The following WSCD1 variants were observed in gnomAD, a reference collection of about 807,000 sequenced individuals.
The protein encoded by WSCD1 is WSC domain sialate O sulfotransferase 1.
WSCD1 carries 41 observed loss-of-function variants against 60.4 expected under a neutral mutation model. That is an observed-to-expected ratio of 0.68 (90% CI 0.53 to 0.88). The LOEUF (loss-of-function observed/expected upper bound fraction) is 0.88, where lower values mean the gene tolerates loss of function less well. WSCD1 is among the 40% of genes least tolerant of loss of function. The pLI, the probability that WSCD1 is intolerant of heterozygous loss-of-function variation, is 0.00. For missense variants in WSCD1, 784 were observed against 796.2 expected (o/e 0.98, Z 0.18); for synonymous variants, 361 against 332.5 (o/e 1.09, Z -0.93).
chr17:6,118,819 C>G lies in WSCD1; in HGVS notation c.1375+631C>G, dbSNP rs575647070. On this transcript the variant is annotated intron_variant, in intron 8 of 8. Coordinates refer to ENST00000317744, the MANE Select transcript of WSCD1 (RefSeq NM_015253.2). This position sits in a 1 kb window ranked among gnomAD's most constrained non-coding sequence, Gnocchi z 5.8. ...TTGGCCTTGGTGGTGAGCAGCAGAG[C>G]TGGGACTCACACCCAATGTCTTAGT... is the stretch of plus-strand genomic sequence containing the variant. 3.3e-5 allele frequency among the ~76,000 whole-genome samples: 5 copies of G among 152,324 alleles called. No individual in the cohort carries two copies. The East Asian group carries it at 9.7e-4, about 29-fold the overall frequency.
intron 2 of WSCD1, among the ~76,000 whole-genome samples, chr17:6,086,769 C>G (rs903892616): frequency 6.6e-6 from 1 of 152,210 alleles, no homozygotes; most frequent in African/African-American, 2.4e-5. Flanking sequence ...AGTGGCCCCA[C>G]TCCCCCAGCC....
At chr17:6,085,765 T>C (rs1909597334) in intron 2 of WSCD1, among the ~76,000 whole-genome samples, 1 of 152,262 alleles carries the variant, frequency 6.6e-6, no homozygotes, top group African/African-American at 2.4e-5. Flanking sequence ...ACTTCTTTGC[T>C]GAGCAACCCA....
chr17:6,085,178 G>C (rs1597354227), intron 2 of WSCD1, among the ~76,000 whole-genome samples: 1 of 152,086 alleles, frequency 6.6e-6, no homozygotes, highest in Non-Finnish European at 1.5e-5. Flanking sequence ...TTATTTATTT[G>C]GACATCTGTT....
upstream of WSCD1, chr17:6,069,418 TGTGTGTGTGTGAGA>T (rs1192942179): frequency 3.2e-4 from 106 of 328,520 alleles, no homozygotes; most frequent in African/African-American, 3.1e-3. Flanking sequence ...TGTGTGTGTG[TGTGTGTGTGTGAGA>T]GAGAGAGAGA....
chr17:6,076,571 C>T (rs746782516), intron 1 of WSCD1, among the ~76,000 whole-genome samples: 3 of 152,248 alleles, frequency 2.0e-5, no homozygotes, highest in Non-Finnish European at 4.4e-5. Flanking sequence ...AACAGAGTAG[C>T]GGAGGTTTCA....
At chr17:6,085,638 G>A (rs1225477325) in intron 2 of WSCD1, among the ~76,000 whole-genome samples, 3 of 152,116 alleles carry the variant, frequency 2.0e-5, no homozygotes, top group Admixed American at 2.0e-4. Flanking sequence ...TCTCAGTCTG[G>A]GAAGGTCTTG....
At chr17:6,076,415 C>A (rs1476333727) in intron 1 of WSCD1, among the ~76,000 whole-genome samples, 1 of 152,146 alleles carries the variant, frequency 6.6e-6, no homozygotes, top group Non-Finnish European at 1.5e-5. Flanking sequence ...CCTGGGTGCA[C>A]TCCAGGGACT....
chr17:6,116,744 A>C (rs1314175770), intron 7 of WSCD1, among the ~76,000 whole-genome samples: 1 of 152,232 alleles, frequency 6.6e-6, no homozygotes, highest in Non-Finnish European at 1.5e-5. Flanking sequence ...AGAGACTTGC[A>C]TTTTCCAGGC....
chr17:6,071,613 G>A (rs903332096), intron 1 of WSCD1, among the ~76,000 whole-genome samples: 2 of 152,248 alleles, frequency 1.3e-5, no homozygotes, highest in Non-Finnish European at 2.9e-5. Flanking sequence ...GAGGCACTTG[G>A]TTTATCCCAC....
rs1909160629 is a variant in WSCD1 at position 6,080,510 on chromosome 17, G to A, written c.-149G>A. On this transcript the variant is annotated 5_prime_UTR_variant, in exon 2 of 9. Coordinates refer to ENST00000317744, the MANE Select transcript of WSCD1 (RefSeq NM_015253.2). The surrounding 1 kb of genome is among the most constrained non-coding windows in gnomAD (Gnocchi z 6.6). ...CATTTGAACACCTACTGGAAACGGG[G>A]CAGGAACAGTGAGTGACCCCAGGCG... The A allele has an allele frequency of 2.6e-6, 2 of 759,518 alleles. No homozygotes were observed. The highest frequency in any genetic ancestry group is 5.3e-5 in the East Asian group (2 of 37,666). The allele number at this position is 759,518 out of a possible 1,614,324, so 47.0% of individuals were successfully genotyped here.
At chr17:6,107,709 G>A (rs1325324717) in intron 5 of WSCD1, among the ~76,000 whole-genome samples, 1 of 152,068 alleles carries the variant, frequency 6.6e-6, no homozygotes, top group Non-Finnish European at 1.5e-5. Context: ...TGAAGGTGTT[G>A]GTGTGGAATG....
chr17:6,091,957 C>G (rs1008511342), intron 4 of WSCD1, among the ~76,000 whole-genome samples: 3 of 152,110 alleles, frequency 2.0e-5, no homozygotes, highest in Non-Finnish European at 4.4e-5. Context: ...GAGTTCGAGA[C>G]CAGCCTGACC....
At chr17:6,120,279 G>C (rs768247335) in intron 8 of WSCD1, 30 bp from the exon 9 acceptor site, 1 of 1,596,602 alleles carries the variant, frequency 6.3e-7, no homozygotes, top group Non-Finnish European at 8.6e-7. Context: ...GCCAGCCCCC[G>C]ACTCTGCATC....
chr17:6,119,071 A>T (rs899469982), intron 8 of WSCD1, among the ~76,000 whole-genome samples: 2 of 152,182 alleles, frequency 1.3e-5, no homozygotes, highest in African/African-American at 4.8e-5. Context: ...TCTTCTGATA[A>T]AGGCACTAAT....
In WSCD1 at chr17:6,080,677, C is replaced by G; in HGVS notation, c.19C>G (p.Arg7Gly). Residue 7 changes from arginine (R) to glycine (G), a missense_variant, in exon 2 of 9, where the codon CGA becomes GGA. Physicochemically the swap from Arg to Gly is moderately radical, Grantham distance 125. Coordinates refer to ENST00000317744, the MANE Select transcript of WSCD1 (RefSeq NM_015253.2). This position sits in a 1 kb window ranked among gnomAD's most constrained non-coding sequence, Gnocchi z 6.6. ...CAGGGGCATGGCCAAACCTTTCTTC[C>G]GACTCCAGAAGTTTCTCCGCCGAAC... MAKPFF[R>G]LQKFLRRTQF... 1 of 1,613,582 alleles carries G rather than the reference C, an allele frequency of 6.2e-7. No homozygotes were observed. Among genetic ancestry groups the G allele is most frequent in the Non-Finnish European group, 8.5e-7 (1 of 1,179,912 alleles).
At position 6,120,376 on chromosome 17, in the gene WSCD1, C is replaced by T. The variant is rs142363588; in HGVS notation, c.1443C>T (p.Tyr481=). Residue 481 remains tyrosine (Y), a synonymous_variant, in exon 9 of 9, where the codon TAC becomes TAT. Transcript: ENST00000317744. ...CGCACGTCCTGGACTGGCTCAAGTA[C>T]GGGAAGCGGCTGCTGGTGGTGCACT... ...WSSHVLDWLK[Y]GKRLLVVHYE... 49 of 1,614,118 alleles carry T rather than the reference C, an allele frequency of 3.0e-5. No individual in the cohort carries two copies. The highest frequency in any genetic ancestry group is 3.3e-4 in the Middle Eastern group (2 of 6,062).
In WSCD1 at chr17:6,110,983, A is replaced by G. The variant is rs766085630; in HGVS notation, c.1174+48A>G. On this transcript the variant is annotated intron_variant, in intron 7 of 8. Transcript: ENST00000317744. The surrounding 1 kb of genome is among the most constrained non-coding windows in gnomAD (Gnocchi z 4.8). Reference sequence around the variant, plus strand: ...GATGGAAGGCAGCTCCCGGTGACCAAACTGTCACCTTGCCAGCCAAGCTTC... The same window carrying G: ...GATGGAAGGCAGCTCCCGGTGACCAGACTGTCACCTTGCCAGCCAAGCTTC... 1 of 1,547,754 alleles carries G rather than the reference A, an allele frequency of 6.5e-7. No homozygotes were observed. Among genetic ancestry groups the G allele is most frequent in the Non-Finnish European group, 8.8e-7 (1 of 1,142,062 alleles).
intron 7 of WSCD1, among the ~76,000 whole-genome samples, chr17:6,115,190 C>T (rs184984103): frequency 2.0e-5 from 3 of 152,240 alleles, no homozygotes; most frequent in South Asian, 2.1e-4. Context: ...CCACTTAGAG[C>T]GGAACTTCAT....
chr17:6,107,786 A>G (rs1911178141), intron 5 of WSCD1, among the ~76,000 whole-genome samples: 1 of 152,126 alleles, frequency 6.6e-6, no homozygotes, highest in Non-Finnish European at 1.5e-5. Flanking sequence ...GCAATTCTTG[A>G]AGTTGCCTTT....
Sources: gnomAD v4.1 joint callset for allele counts (sites outside exome capture counted in the v4.1 genomes callset) on GRCh38, gnomAD v4.1.1 for gene constraint, Gnocchi (gnomAD v3.1) non-coding constraint, MANE v1.5 for transcripts, NCBI Gene and HGNC (gene_info 2026-07-23, HGNC 2026-07-21) for gene names.